The following ZFP36L2 variants were observed in gnomAD, a reference collection of about 807,000 sequenced individuals.
The protein encoded by ZFP36L2 is mRNA decay activator protein ZFP36L2.
Under a neutral mutation model 27.9 loss-of-function variants are expected in ZFP36L2, and 16 were observed. The ratio of observed to expected loss-of-function variants is 0.57; its 90% CI spans 0.39 to 0.87. ZFP36L2 has a LOEUF of 0.87. Among genes scored for constraint, ZFP36L2 ranks in the 40% least tolerant of loss-of-function variants. ZFP36L2 has a pLI of 0.00. For missense variants in ZFP36L2, 989 were observed against 726.9 expected (o/e 1.36, Z -4.15); for synonymous variants, 600 against 363.8 (o/e 1.65, Z -7.39).
rs1667107434 is a variant in ZFP36L2 at position 43,226,440 on chromosome 2, C to T, written c.-125G>A. 6.9e-6 allele frequency: 9 copies of T among 1,298,460 alleles called. No homozygotes were observed. Among genetic ancestry groups the T allele is most frequent in the Non-Finnish European group, 9.7e-6 (9 of 926,702 alleles). The allele number at this position is 1,298,460 out of a possible 1,614,324, so 80.4% of individuals were successfully genotyped here. ...GGGGCGGGGAGGGGCCGAAAGTTTG[C>T]CGGGGGGCGAGAGGAGAGGGCGAGT... is the stretch of plus-strand genomic sequence containing the variant. On this transcript the variant is annotated 5_prime_UTR_variant, in exon 1 of 2. Coordinates refer to ENST00000282388, the MANE Select transcript of ZFP36L2 (RefSeq NM_006887.5).
Position 43,226,361 on chromosome 2 carries a change from G to A in ZFP36L2, c.-46C>T, listed in dbSNP as rs1239880285. 3 of 1,556,286 alleles carry A rather than the reference G, an allele frequency of 1.9e-6. No individual in the cohort carries two copies. Among genetic ancestry groups the A allele is most frequent in the South Asian group, 2.4e-5 (2 of 84,868 alleles). The stretch of plus-strand genomic sequence containing the variant: ...CCGGAGCGGCAGGCCGGGAGGTCGG[G>A]AGGAGCCCTTGGGGCGGCGTGGCCG... On this transcript the variant is annotated 5_prime_UTR_variant, in exon 1 of 2. Transcript: ENST00000282388.
At position 43,225,415 on chromosome 2, in the gene ZFP36L2, C is replaced by T. The variant is rs1397310102; in HGVS notation, c.389G>A (p.Arg130His). The change falls in exon 2 of 2, where the codon CGC becomes CAC. Residue 130 changes from arginine to histidine, a missense_variant. By Grantham distance (29) the Arg-to-His change is conservative. Coordinates refer to ENST00000282388, the MANE Select transcript of ZFP36L2 (RefSeq NM_006887.5). Reference sequence around the variant, plus strand: ...CTGCAGGTGCAGGAGGTGCTGGCTGCGATCGCCGTTCTCGCTAAACGAGCG... The same window carrying T: ...CTGCAGGTGCAGGAGGTGCTGGCTGTGATCGCCGTTCTCGCTAAACGAGCG... Reference protein sequence around the residue: ...RDRSFSENGDRSQHLLHLQQQ... With the variant: ...RDRSFSENGDHSQHLLHLQQQ... 3 of 1,613,388 alleles carry T rather than the reference C, an allele frequency of 1.9e-6. No individual in the cohort carries two copies. The highest frequency in any genetic ancestry group is 1.1e-5 in the South Asian group (1 of 91,054).
In ZFP36L2 at chr2:43,225,192, G is replaced by A. The variant is rs150135524; in HGVS notation, c.612C>T (p.Gly204=). Reference sequence around the variant, plus strand: ...GGCAGCGCGGCCCATAGGGGCAGAAGCCGATGGTATGAAAGGTGCGGCACA... The same window carrying A: ...GGCAGCGCGGCCCATAGGGGCAGAAACCGATGGTATGAAAGGTGCGGCACA... ...TELCRTFHTI[G]FCPYGPRCHF... The change falls in exon 2 of 2, where the codon GGC becomes GGT. Residue 204 remains glycine, a synonymous_variant. Coordinates refer to ENST00000282388, the MANE Select transcript of ZFP36L2 (RefSeq NM_006887.5). 78 of 1,601,924 alleles carry A rather than the reference G, an allele frequency of 4.9e-5. No individual in the cohort carries two copies. The African/African-American group carries it at 5.7e-4, about 12-fold the overall frequency.
At chr2:43,226,124 G>T in intron 1 of ZFP36L2, 141 bp downstream of exon 1, 3 of 1,215,306 alleles carry the variant, frequency 2.5e-6, no homozygotes, top group Non-Finnish European at 3.5e-6. Context: ...CCTCCAGGGC[G>T]CTCGGACACT....
intron 1 of ZFP36L2, 28 bp from the exon 2 acceptor site, chr2:43,225,780 G>C (rs367574954): frequency 6.4e-7 from 1 of 1,566,664 alleles, no homozygotes; most frequent in Admixed American, 1.8e-5. Context: ...GCGGGGAAGG[G>C]ATGAAAAACG....
Position 43,225,063 on chromosome 2 carries a change from C to T in ZFP36L2, c.741G>A (p.Pro247=), listed in dbSNP as rs201479488. 2.2e-4 allele frequency: 349 copies of T among 1,594,630 alleles called. No homozygotes were observed. Among genetic ancestry groups the T allele is most frequent in the Non-Finnish European group, 2.8e-4 (335 of 1,177,994 alleles). The stretch of plus-strand genomic sequence containing the variant: ...GGTGCAACTTGGGCCGCGGCTCCCG[C>T]GGGAAGCCCAGGTGCAACGCATCGC... ...GTRDALHLGF[P]REPRPKLHHS... The change falls in exon 2 of 2, where the codon CCG becomes CCA. Residue 247 remains proline (P), a synonymous_variant. Transcript: ENST00000282388.
chr2:43,223,410 G>A lies in ZFP36L2; in HGVS notation c.*909C>T, dbSNP rs1667010258. On this transcript the variant is annotated 3_prime_UTR_variant, in exon 2 of 2. Coordinates refer to ENST00000282388, the MANE Select transcript of ZFP36L2 (RefSeq NM_006887.5). ...ATATCTATTGCTTTTCATCATACTT[G>A]ATAAATACAGTATGAACAAAATTTT... 6.6e-6 allele frequency: 1 copy of A among 152,080 alleles called. No individual in the cohort carries two copies. Among genetic ancestry groups the A allele is most frequent in the African/African-American group, 2.4e-5 (1 of 41,362 alleles). 9.4% of individuals were successfully genotyped at this position (152,080 alleles called of 1,614,324 possible). A position where few individuals can be genotyped will look rare whatever the true frequency, so the allele number is the denominator to read the frequency against.
At chr2:43,226,135 CTT>C in intron 1 of ZFP36L2, 128 bp downstream of exon 1, 2 of 1,365,782 alleles carry the variant, frequency 1.5e-6, no homozygotes, top group Non-Finnish European at 2.0e-6. Flanking sequence ...CTCGGACACT[CTT>C]TTGCAAACCC....
In ZFP36L2 at chr2:43,225,733, T is replaced by G. The variant is rs767550939; in HGVS notation, c.71A>C (p.Asn24Thr). 20 of 1,592,710 alleles carry G rather than the reference T, an allele frequency of 1.3e-5. No individual in the cohort carries two copies. The highest frequency in any genetic ancestry group is 1.7e-5 in the Non-Finnish European group (20 of 1,177,754). ...GTCCAGCATGTTGTTCAGGTTGAGGTTGGCCAGGGATTTCTCTGTCTGCCA... is the reference window on the plus strand; with the variant it reads ...GTCCAGCATGTTGTTCAGGTTGAGGGTGGCCAGGGATTTCTCTGTCTGCCA... ...FLCKTEKSLA[N>T]LNLNNMLDKK... The change falls in exon 2 of 2, where the codon AAC becomes ACC. Residue 24 changes from asparagine to threonine, a missense_variant. Asn to Thr is a moderately conservative substitution (Grantham distance 65). Coordinates refer to ENST00000282388, the MANE Select transcript of ZFP36L2 (RefSeq NM_006887.5).
At position 43,224,900 on chromosome 2, in the gene ZFP36L2, A is replaced by G. The variant is rs767198679; in HGVS notation, c.904T>C (p.Ser302Pro). Residue 302 changes from serine to proline, a missense_variant, in exon 2 of 2, where the codon TCC (serine) becomes CCC (proline). Ser to Pro is a moderately conservative substitution (Grantham distance 74). Coordinates refer to ENST00000282388, the MANE Select transcript of ZFP36L2 (RefSeq NM_006887.5). ...SCSSASSCSS[S>P]ASSCSSASAA... is the part of the protein sequence containing the mutation. The stretch of plus-strand genomic sequence containing the variant: ...GAGGCCGAGGAACAGGAGGAGGCGG[A>G]GGAGGAGCAGGACGAGGCCGAAGAG... The G allele has an allele frequency of 3.1e-5, 47 of 1,540,464 alleles. No homozygotes were observed. The African/African-American group carries it at 5.7e-4, about 19-fold the overall frequency.
Position 43,226,343 on chromosome 2 carries a change from G to T in ZFP36L2, c.-28C>A, listed in dbSNP as rs1483835374. ...TTCTGGATCCCGCAGTGGCCGGAGC[G>T]GCAGGCCGGGAGGTCGGGAGGAGCC... On this transcript the variant is annotated 5_prime_UTR_variant, in exon 1 of 2. Coordinates refer to ENST00000282388, the MANE Select transcript of ZFP36L2 (RefSeq NM_006887.5). 10 of 1,564,598 alleles carry T rather than the reference G, an allele frequency of 6.4e-6. No individual in the cohort carries two copies. The highest frequency in any genetic ancestry group is 8.7e-6 in the Non-Finnish European group (10 of 1,153,942).
Position 43,226,410 on chromosome 2 carries a change from G to A in ZFP36L2, c.-95C>T, listed in dbSNP as rs1667106842. 1.3e-6 allele frequency: 2 copies of A among 1,492,544 alleles called. No individual in the cohort carries two copies. The highest frequency in any genetic ancestry group is 2.4e-5 in the South Asian group (2 of 82,684). 92.5% of individuals were successfully genotyped at this position (1,492,544 alleles called of 1,614,324 possible). ...CGGGCTTGAGCCACGACGAATAACG[G>A]GCGAGGGGCGGGGAGGGGCCGAAAG... On this transcript the variant is annotated 5_prime_UTR_variant, in exon 1 of 2. Coordinates refer to ENST00000282388, the MANE Select transcript of ZFP36L2 (RefSeq NM_006887.5).
intron 1 of ZFP36L2, 80 bp downstream of exon 1, chr2:43,226,185 C>A: frequency 2.0e-6 from 3 of 1,521,178 alleles, no homozygotes; most frequent in Non-Finnish European, 2.7e-6. Flanking sequence ...GCGGGAGGGG[C>A]GTCCCCCAGA....
chr2:43,223,979 CAAAGTT>C lies in ZFP36L2; in HGVS notation c.*334_*339del. On this transcript the variant is annotated 3_prime_UTR_variant, in exon 2 of 2. Transcript: ENST00000282388. The stretch of plus-strand genomic sequence containing the variant: ...AGTCCCAAACTCATCGGAGTCCTAA[CAAAGTT>C]TAAGTGTTTTTTTTTTTTTTTTGTT... 4.9e-6 allele frequency: 1 copy of C among 205,272 alleles called. No homozygotes were observed. The highest frequency in any genetic ancestry group is 2.4e-5 in the African/African-American group (1 of 41,372). 12.7% of individuals were successfully genotyped at this position (205,272 alleles called of 1,614,324 possible).
rs185397136 is a variant in ZFP36L2 at position 43,223,055 on chromosome 2, G to C, written c.*1264C>G. The C allele has an allele frequency of 9.8e-5, 15 of 152,428 alleles. No homozygotes were observed. The highest frequency in any genetic ancestry group is 7.2e-4 in the Admixed American group (11 of 15,290). 9.4% of individuals were successfully genotyped at this position (152,428 alleles called of 1,614,324 possible). On this transcript the variant is annotated 3_prime_UTR_variant, in exon 2 of 2. Coordinates refer to ENST00000282388, the MANE Select transcript of ZFP36L2 (RefSeq NM_006887.5). ...TGCCACATTTCAGCCTGATTGCAAA[G>C]TATGTGGTCATTTTTTTCTTTGAAG...
rs778536055 is a variant in ZFP36L2, at chr2:43,225,300, G to A, written c.504C>T (p.Cys168=). Residue 168 remains cysteine (C), a synonymous_variant, in exon 2 of 2, where the codon TGC becomes TGT. Coordinates refer to ENST00000282388, the MANE Select transcript of ZFP36L2 (RefSeq NM_006887.5). ...CGAACTGGCACTTTTCGCCGTACTTGCACGTGCCGCTCTCCTCGAAGGGCC... is the reference window on the plus strand; with the variant it reads ...CGAACTGGCACTTTTCGCCGTACTTACACGTGCCGCTCTCCTCGAAGGGCC... ...LCRPFEESGT[C]KYGEKCQFAH... 7 of 1,612,712 alleles carry A rather than the reference G, an allele frequency of 4.3e-6. No individual in the cohort carries two copies. Among genetic ancestry groups the A allele is most frequent in the Non-Finnish European group, 2.5e-6 (3 of 1,179,976 alleles).
chr2:43,225,766 G>A lies in ZFP36L2; in HGVS notation c.52-14C>T. 1.1e-5 allele frequency: 17 copies of A among 1,581,898 alleles called. No individual in the cohort carries two copies. The highest frequency in any genetic ancestry group is 1.4e-5 in the Non-Finnish European group (16 of 1,172,164). The stretch of plus-strand genomic sequence containing the variant: ...GGATTTCTCTGTCTGCCAAAGGGAG[G>A]GGAGCGGGGAAGGGATGAAAAACGG... On this transcript the variant is annotated splice_polypyrimidine_tract_variant and intron_variant, in intron 1 of 1. Transcript: ENST00000282388.
rs759629300 is a variant in ZFP36L2 at position 43,224,627 on chromosome 2, G to T, written c.1177C>A (p.Arg393Ser). ...FAAVAAAAYY[R>S]SQQQQQQQGL... ...TGCTGCTGCTGCTGCTGCTGACTGC[G>T]GTAGTAGGCGGCGGCGGCCACGGCG... is the stretch of plus-strand genomic sequence containing the variant. Residue 393 changes from arginine (R) to serine (S), a missense_variant, in exon 2 of 2, where the codon CGC (arginine) becomes AGC (serine). Physicochemically the swap from Arg to Ser is moderately radical, Grantham distance 110 (BLOSUM62 -1). Coordinates refer to ENST00000282388, the MANE Select transcript of ZFP36L2 (RefSeq NM_006887.5). 3 of 1,484,802 alleles carry T rather than the reference G, an allele frequency of 2.0e-6. No homozygotes were observed. Among genetic ancestry groups the T allele is most frequent in the South Asian group, 2.6e-5 (2 of 77,718 alleles). 92.0% of individuals were successfully genotyped at this position (1,484,802 alleles called of 1,614,324 possible).
rs1333348451 is a variant in ZFP36L2, at chr2:43,225,168, G to A, written c.636C>T (p.Cys212=). The stretch of plus-strand genomic sequence containing the variant: ...GCTCGTCCGCGTTGTGGATGAAGTG[G>A]CAGCGCGGCCCATAGGGGCAGAAGC... ...TIGFCPYGPR[C]HFIHNADERR... Residue 212 remains cysteine (C), a synonymous_variant, in exon 2 of 2, where the codon TGC becomes TGT. Transcript: ENST00000282388. The A allele has an allele frequency of 1.4e-5, 23 of 1,598,282 alleles. No homozygotes were observed. Among genetic ancestry groups the A allele is most frequent in the Non-Finnish European group, 2.0e-5 (23 of 1,179,422 alleles).
Sources: gnomAD v4.1 joint callset for allele counts on GRCh38, gnomAD v4.1.1 for gene constraint, MANE v1.5 for transcripts, NCBI Gene and HGNC (gene_info 2026-07-23, HGNC 2026-07-21) for gene names.